TMEM132B: variants seen among roughly 807,000 people sequenced by gnomAD.
TMEM132B encodes transmembrane protein 132B.
In TMEM132B, 18 loss-of-function variants were observed where a neutral mutation model predicts 90.8. The ratio of observed to expected loss-of-function variants is 0.20; its 90% CI spans 0.14 to 0.29. TMEM132B has a LOEUF of 0.29. Among genes scored for constraint, TMEM132B ranks in the 10% least tolerant of loss-of-function variants. TMEM132B has a pLI of 1.00. For synonymous variants in TMEM132B, 504 were observed against 523.3 expected (o/e 0.96, Z 0.50); for missense variants, 1,096 against 1,326.8 (o/e 0.83, Z 2.70).
At chr12:125,598,200 G>A (rs534157997) in intron 5 of TMEM132B, among the ~76,000 whole-genome samples, 7 of 152,218 alleles carry the variant, frequency 4.6e-5, no homozygotes, top group East Asian at 1.9e-4. Flanking sequence ...GCAATTACAC[G>A]CCATTATTTT....
intron 2 of TMEM132B, among the ~76,000 whole-genome samples, chr12:125,382,244 A>G (rs1279249221): frequency 6.6e-6 from 1 of 152,240 alleles, no homozygotes; most frequent in Non-Finnish European, 1.5e-5. Flanking sequence ...TGCAGACAAA[A>G]GTAGGATATG....
intron 1 of TMEM132B, among the ~76,000 whole-genome samples, chr12:125,193,762 G>A (rs1474797078): frequency 3.9e-5 from 6 of 152,224 alleles, no homozygotes; most frequent in Non-Finnish European, 8.8e-5. Context: ...TCGGGGCTAA[G>A]CACTTGGGAC....
At chr12:125,519,974 C>T (rs768014100) in intron 4 of TMEM132B, among the ~76,000 whole-genome samples, 1 of 152,154 alleles carries the variant, frequency 6.6e-6, no homozygotes, top group Non-Finnish European at 1.5e-5. Flanking sequence ...GCTCTATATG[C>T]CAAGTAACTG....
intron 1 of TMEM132B, among the ~76,000 whole-genome samples, chr12:125,270,712 G>A (rs1874816086): frequency 6.9e-6 from 1 of 145,446 alleles, no homozygotes; most frequent in Non-Finnish European, 1.5e-5. Context: ...GTCAAGGGTT[G>A]CTCTCCAGGA....
rs895645835 is a variant in TMEM132B at position 125,228,755 on chromosome 12, G to T, written c.67+41889G>T. Among the ~76,000 whole-genome samples the T allele has an allele frequency of 7.2e-5, 11 of 152,186 alleles. No homozygotes were observed. In the South Asian group the frequency reaches 2.3e-3, roughly 32 times the overall value. On this transcript the variant is annotated intron_variant, in intron 1 of 8. Coordinates refer to ENST00000682704, the MANE Select transcript of TMEM132B (RefSeq NM_001366854.1). ...TGCTAGAATAACATTTTGTTTAGGA[G>T]GTGATGGGCCCAGCTCCAGAGAGGG...
rs759184529 is a variant in TMEM132B, at chr12:125,415,668, C to G, written c.1097C>G (p.Thr366Arg). Reference sequence around the variant, plus strand: ...ACCTGCATGGGCCATCGCCCGGACACGCAGAGCAGGTAAGCATGGAGATCC... The same window carrying G: ...ACCTGCATGGGCCATCGCCCGGACAGGCAGAGCAGGTAAGCATGGAGATCC... ...TLTCMGHRPD[T>R]QSRVNGSFYE... Residue 366 changes from threonine (T) to arginine (R), a missense_variant, in exon 3 of 9, where the codon ACG becomes AGG. Physicochemically the swap from Thr to Arg is moderately conservative, Grantham distance 71. Coordinates refer to ENST00000682704, the MANE Select transcript of TMEM132B (RefSeq NM_001366854.1). This position sits in a 1 kb window ranked among gnomAD's most constrained non-coding sequence, Gnocchi z 5.3. 3.1e-6 allele frequency: 5 copies of G among 1,614,028 alleles called. No individual in the cohort carries two copies. Among genetic ancestry groups the G allele is most frequent in the African/African-American group, 2.7e-5 (2 of 75,036 alleles).
intron 2 of TMEM132B, among the ~76,000 whole-genome samples, chr12:125,372,007 A>G (rs1038924172): frequency 6.6e-6 from 1 of 152,260 alleles, no homozygotes; most frequent in Non-Finnish European, 1.5e-5. Context: ...AAAAACCAGG[A>G]AAGAAGCAAA....
At chr12:125,632,782 G>T (rs961141589) in intron 5 of TMEM132B, among the ~76,000 whole-genome samples, 1 of 151,910 alleles carries the variant, frequency 6.6e-6, no homozygotes, top group Non-Finnish European at 1.5e-5. Context: ...AGGCTCCATT[G>T]TATGTTATTT....
chr12:125,337,890 C>G (rs1566005982), intron 1 of TMEM132B, among the ~76,000 whole-genome samples: 1 of 152,188 alleles, frequency 6.6e-6, no homozygotes, highest in Non-Finnish European at 1.5e-5. Flanking sequence ...TCTCCTTCCC[C>G]AAAGTCCGCC....
At chr12:125,575,825 C>A (rs1327156445) in intron 4 of TMEM132B, among the ~76,000 whole-genome samples, 1 of 152,018 alleles carries the variant, frequency 6.6e-6, no homozygotes, top group African/African-American at 2.4e-5. Context: ...ACTATTCTTT[C>A]ACCATTGAAT....
chr12:125,568,896 C>T (rs538580719), intron 4 of TMEM132B, among the ~76,000 whole-genome samples: 10 of 152,320 alleles, frequency 6.6e-5, no homozygotes, highest in Non-Finnish European at 1.5e-4. Context: ...AAAACAATCA[C>T]ACTTTATCTC....
chr12:125,622,865 A>G (rs1288645576), intron 5 of TMEM132B, among the ~76,000 whole-genome samples: 1 of 152,204 alleles, frequency 6.6e-6, no homozygotes, highest in Non-Finnish European at 1.5e-5. Flanking sequence ...TTTGATAAAC[A>G]TTTCTTTTCT....
intron 6 of TMEM132B, among the ~76,000 whole-genome samples, chr12:125,648,340 G>A (rs750542583): frequency 6.6e-6 from 1 of 151,658 alleles, no homozygotes; most frequent in Non-Finnish European, 1.5e-5. Flanking sequence ...CAGGGTAATG[G>A]GACTTACAGG....
chr12:125,558,421 T>C (rs1245659412), intron 4 of TMEM132B, among the ~76,000 whole-genome samples: 1 of 152,186 alleles, frequency 6.6e-6, no homozygotes, highest in Non-Finnish European at 1.5e-5. Flanking sequence ...GGGAGAAACA[T>C]GGGTAGAAGC....
chr12:125,451,522 C>CT (rs1271388842), intron 3 of TMEM132B, among the ~76,000 whole-genome samples: 1 of 151,998 alleles, frequency 6.6e-6, no homozygotes, highest in Non-Finnish European at 1.5e-5. Context: ...ATTCTTGCAA[C>CT]TTTTTTGTAA....
chr12:125,503,188 T>C (rs2136604543), intron 3 of TMEM132B, among the ~76,000 whole-genome samples: 1 of 152,312 alleles, frequency 6.6e-6, no homozygotes, highest in East Asian at 1.9e-4. Flanking sequence ...GGATTTACTC[T>C]TCGCTTAGTT....
intron 2 of TMEM132B, among the ~76,000 whole-genome samples, chr12:125,367,900 T>C (rs1878180249): frequency 6.6e-6 from 1 of 152,188 alleles, no homozygotes; most frequent in Non-Finnish European, 1.5e-5. Flanking sequence ...ATTTTTCTCA[T>C]CTTAGTTTTT....
At chr12:125,201,316 C>T (rs1873052824) in intron 1 of TMEM132B, among the ~76,000 whole-genome samples, 1 of 152,214 alleles carries the variant, frequency 6.6e-6, no homozygotes, top group Non-Finnish European at 1.5e-5. Context: ...TGACTAAATT[C>T]TGCTTCTCTC....
At chr12:125,573,990 A>G (rs933049694) in intron 4 of TMEM132B, among the ~76,000 whole-genome samples, 2 of 152,182 alleles carry the variant, frequency 1.3e-5, no homozygotes, top group East Asian at 3.8e-4. Flanking sequence ...ATAATATTTT[A>G]TACTGTGGAC....
Sources: gnomAD v4.1 joint callset for allele counts (sites outside exome capture counted in the v4.1 genomes callset) on GRCh38, gnomAD v4.1.1 for gene constraint, Gnocchi (gnomAD v3.1) non-coding constraint, MANE v1.5 for transcripts, NCBI Gene and HGNC (gene_info 2026-07-23, HGNC 2026-07-21) for gene names.